APBB2: variants seen among roughly 807,000 people sequenced by gnomAD.
APBB2 encodes the protein Fe65-like 1.
A neutral mutation model predicts 82.5 loss-of-function variants in APBB2; 38 were observed. The ratio of observed to expected loss-of-function variants is 0.46; its 90% CI spans 0.36 to 0.60. The LOEUF is 0.60. Ranked by LOEUF, APBB2 falls within the 20% of genes least tolerant of loss-of-function variation. The pLI is 0.00. For synonymous variants in APBB2, 341 were observed against 368.2 expected, an observed-to-expected ratio of 0.93 and a Z score of 0.85; for missense variants, 772 against 972.3, an observed-to-expected ratio of 0.79 and a Z score of 2.74.
intron 10 of APBB2, among the ~76,000 whole-genome samples, chr4:40,906,464 CAAAAAAA>C (rs5857755): frequency 2.4e-4 from 16 of 67,988 alleles, no homozygotes; most frequent in Admixed American, 1.0e-3. Flanking sequence ...AAACCTGTCT[CAAAAAAA>C]AAAAAAAAAA....
chr4:40,985,963 C>T (rs1282241813), intron 6 of APBB2, among the ~76,000 whole-genome samples: 1 of 152,114 alleles, frequency 6.6e-6, no homozygotes, highest in Non-Finnish European at 1.5e-5. Flanking sequence ...AATAGGTTGT[C>T]CCAGAGAAGA....
At chr4:41,180,633 G>GT (rs998227604) in intron 1 of APBB2, among the ~76,000 whole-genome samples, 8 of 152,172 alleles carry the variant, frequency 5.3e-5, no homozygotes, top group African/African-American at 1.9e-4. Flanking sequence ...GGGTGACAGA[G>GT]TAAGACCCTG....
chr4:41,069,766 T>C (rs555896337), intron 3 of APBB2, among the ~76,000 whole-genome samples: 3 of 152,312 alleles, frequency 2.0e-5, no homozygotes, highest in Admixed American at 6.5e-5. Context: ...AGAACAGAAA[T>C]AGTCTATTTC....
At chr4:41,088,790 G>A (rs746827562) in intron 3 of APBB2, among the ~76,000 whole-genome samples, 1 of 152,102 alleles carries the variant, frequency 6.6e-6, no homozygotes, top group Non-Finnish European at 1.5e-5. Flanking sequence ...ATCTTCTCTA[G>A]GGAATTAAGG....
intron 1 of APBB2, among the ~76,000 whole-genome samples, chr4:41,153,540 C>T (rs1293009652): frequency 6.6e-6 from 1 of 152,210 alleles, no homozygotes; most frequent in Non-Finnish European, 1.5e-5. Flanking sequence ...GGAAATCTTA[C>T]TGATCAAAAG....
intron 12 of APBB2, chr4:40,880,147 G>A (rs532114147): frequency 5.5e-5 from 54 of 985,364 alleles, no homozygotes; most frequent in South Asian, 2.3e-4. Flanking sequence ...CACACAGAGC[G>A]CCCCTAACAT....
At chr4:40,932,005 A>G (rs537830010) in intron 10 of APBB2, among the ~76,000 whole-genome samples, 85 of 152,316 alleles carry the variant, frequency 5.6e-4, no homozygotes, top group African/African-American at 1.9e-3. Context: ...GCTGGCAATA[A>G]AAAGGTGGCA....
chr4:40,946,250 A>AC (rs1788398135), intron 6 of APBB2, among the ~76,000 whole-genome samples: 1 of 149,098 alleles, frequency 6.7e-6, no homozygotes, highest in African/African-American at 2.5e-5. Flanking sequence ...AAAAAAAAAA[A>AC]AAAACATTCC....
chr4:41,027,612 C>G (rs1714975529), intron 5 of APBB2, among the ~76,000 whole-genome samples: 1 of 151,958 alleles, frequency 6.6e-6, no homozygotes, highest in African/African-American at 2.4e-5. Flanking sequence ...ATTTCCAGTT[C>G]CTTTTATTAT....
chr4:40,857,091 G>C, intron 12 of APBB2: 1 of 985,472 alleles, frequency 1.0e-6, no homozygotes, highest in Non-Finnish European at 1.2e-6. Flanking sequence ...CAAGCCCCAG[G>C]GTGCCGGCAC....
chr4:40,880,777 C>G (rs977325216), intron 12 of APBB2: 1 of 985,296 alleles, frequency 1.0e-6, no homozygotes, highest in Non-Finnish European at 1.2e-6. Flanking sequence ...GACTTTTCTG[C>G]TCTCTCTTGA....
At chr4:41,079,828 T>G (rs1183061637) in intron 3 of APBB2, among the ~76,000 whole-genome samples, 2 of 152,150 alleles carry the variant, frequency 1.3e-5, no homozygotes, top group African/African-American at 4.8e-5. Flanking sequence ...ATTACAGGCG[T>G]AAACCACCGC....
intron 6 of APBB2, among the ~76,000 whole-genome samples, chr4:40,956,194 A>G (rs566939271): frequency 4.9e-4 from 74 of 152,220 alleles, no homozygotes; most frequent in African/African-American, 1.7e-3. Context: ...GAATATAGCA[A>G]GCAGGGCTCT....
chr4:41,077,010 T>C (rs1735860528), intron 3 of APBB2, among the ~76,000 whole-genome samples: 1 of 258 alleles, frequency 3.9e-3, no homozygotes, highest in Admixed American at 0.05. Context: ...AAATCAGGAT[T>C]TTTTTTTTTT....
At chr4:40,999,203 G>C (rs73248213) in intron 6 of APBB2, among the ~76,000 whole-genome samples, 13,326 of 152,244 alleles carry the variant, frequency 0.088, 720 homozygotes, top group Admixed American at 0.15. Context: ...TACTCTGGGA[G>C]GCTGAGACAG....
rs200394497 is a variant in APBB2 at position 41,080,961 on chromosome 4, AG to A, written c.-148-15289del. On this transcript the variant is annotated intron_variant, in intron 3 of 17. Transcript: ENST00000508593. ...TTTTAGGAGTTTCACCATGTAGGCC[AG>A]GCTGGCCTGGAACTCCTGACCTCAG... is the stretch of plus-strand genomic sequence containing the variant. Among the ~76,000 whole-genome samples, 262 of 152,306 alleles carry A rather than the reference AG, an allele frequency of 1.7e-3. 3 individuals are homozygous for A. In the East Asian group the frequency reaches 0.045, roughly 26 times the overall value.
chr4:41,134,700 T>A (rs927773333), intron 2 of APBB2, among the ~76,000 whole-genome samples: 2 of 152,130 alleles, frequency 1.3e-5, no homozygotes, highest in African/African-American at 4.8e-5. Context: ...GTTGTGAGGA[T>A]CAAATGAAGT....
intron 2 of APBB2, among the ~76,000 whole-genome samples, chr4:41,131,507 T>C (rs186777029): frequency 6.6e-6 from 1 of 152,294 alleles, no homozygotes; most frequent in East Asian, 1.9e-4. Context: ...GTCCCCTTAA[T>C]CTTCCTAATA....
chr4:41,141,320 GTGTGTGTGTGTC>G (rs1759095909), intron 2 of APBB2, among the ~76,000 whole-genome samples: 1 of 33,204 alleles, frequency 3.0e-5, no homozygotes. Context: ...GTGTCTGTGT[GTGTGTGTGTGTC>G]TGTGTGTGTG....
Sources: allele counts gnomAD v4.1 joint callset (sites outside exome capture counted in the v4.1 genomes callset), GRCh38; gene constraint gnomAD v4.1.1; transcripts MANE v1.5; gene names NCBI Gene and HGNC (gene_info 2026-07-23, HGNC 2026-07-21).